The following PHLDB2 variants were observed in gnomAD, a reference collection of about 807,000 sequenced individuals.
PHLDB2 encodes the protein pleckstrin homology like domain family B member 2, also known as pleckstrin homology-like domain family B member 2.
PHLDB2 carries 71 observed loss-of-function variants against 123.6 expected under a neutral mutation model. That is an observed-to-expected ratio of 0.57 (90% CI 0.47 to 0.70). The LOEUF (loss-of-function observed/expected upper bound fraction) is 0.70, where lower values mean the gene tolerates loss of function less well. PHLDB2 is among the 30% of genes least tolerant of loss of function. The pLI is 0.00. For missense variants in PHLDB2, 1,446 were observed against 1,519.5 expected (o/e 0.95, Z 0.80); for synonymous variants, 547 against 541.6 (o/e 1.01, Z -0.14).
chr3:111,886,338 C>T (rs1040457230), intron 2 of PHLDB2, among the ~76,000 whole-genome samples: 6 of 152,192 alleles, frequency 3.9e-5, no homozygotes, highest in Non-Finnish European at 5.9e-5. Context: ...AAAATTGTAA[C>T]CCAGGCTTGT....
chr3:111,813,312 A>G (rs1033297431), intron 1 of PHLDB2, among the ~76,000 whole-genome samples: 1 of 152,234 alleles, frequency 6.6e-6, no homozygotes, highest in Non-Finnish European at 1.5e-5. Context: ...AAATAAATAA[A>G]TAAATCCATG....
chr3:111,781,650 A>G (rs754239686), intron 1 of PHLDB2, among the ~76,000 whole-genome samples: 2 of 152,166 alleles, frequency 1.3e-5, no homozygotes, highest in Non-Finnish European at 2.9e-5. Flanking sequence ...GCTCACATAG[A>G]TAACAGAAAT....
chr3:111,781,869 AG>A (rs1440686265), intron 1 of PHLDB2, among the ~76,000 whole-genome samples: 1 of 152,062 alleles, frequency 6.6e-6, no homozygotes, highest in Admixed American at 6.6e-5. Flanking sequence ...TACTCCCTTT[AG>A]TGCAGATTAA....
intron 1 of PHLDB2, among the ~76,000 whole-genome samples, chr3:111,869,252 G>T (rs1292515132): frequency 2.0e-5 from 3 of 151,876 alleles, no homozygotes; most frequent in African/African-American, 7.3e-5. Context: ...CTTTTATTGT[G>T]ACAGGAAGAA....
chr3:111,791,519 C>A (rs1576615683), intron 1 of PHLDB2, among the ~76,000 whole-genome samples: 1 of 152,174 alleles, frequency 6.6e-6, no homozygotes, highest in Non-Finnish European at 1.5e-5. Flanking sequence ...AGAGATAATG[C>A]AAAACTGTTT....
chr3:111,919,240 TTTTC>T, intron 4 of PHLDB2, 25 bp downstream of exon 4: 1 of 1,610,210 alleles, frequency 6.2e-7, no homozygotes, highest in Non-Finnish European at 8.5e-7. Flanking sequence ...CTCTTCCCTT[TTTTC>T]TTTCTTTCCT....
intron 2 of PHLDB2, 157 bp downstream of exon 2, chr3:111,885,569 C>T: frequency 1.0e-6 from 1 of 960,250 alleles, no homozygotes; most frequent in Non-Finnish European, 1.6e-6. Context: ...TATCCTTCTT[C>T]TTCCCATATC....
At chr3:111,903,708 CAA>C (rs2067331851) in intron 2 of PHLDB2, among the ~76,000 whole-genome samples, 1 of 152,164 alleles carries the variant, frequency 6.6e-6, no homozygotes, top group Admixed American at 6.5e-5. Flanking sequence ...CCATGACTGA[CAA>C]AGAGTGAGCA....
At chr3:111,802,165 C>T (rs2061401986) in intron 1 of PHLDB2, among the ~76,000 whole-genome samples, 1 of 152,236 alleles carries the variant, frequency 6.6e-6, no homozygotes. Flanking sequence ...TTTCTCCAGT[C>T]TATCAAGCTA....
Position 111,885,288 on chromosome 3 carries a change from C to T in PHLDB2, c.1211C>T (p.Thr404Ile), listed in dbSNP as rs1247317067. 6.2e-7 allele frequency: 1 copy of T among 1,614,142 alleles called. No homozygotes were observed. The highest frequency in any genetic ancestry group is 1.7e-5 in the Admixed American group (1 of 60,016). The change falls in exon 2 of 18, where the codon ACC (threonine) becomes ATC (isoleucine). Residue 404 changes from threonine to isoleucine, a missense_variant. Transcript: ENST00000431670. ...DLESLRQASG[T>I]PQPALRERKS... Reference sequence around the variant, plus strand: ...GAAAGCCTCAGACAGGCCTCAGGAACCCCCCAGCCTGCCCTTCGGGAACGG... The same window carrying T: ...GAAAGCCTCAGACAGGCCTCAGGAATCCCCCAGCCTGCCCTTCGGGAACGG...
intron 2 of PHLDB2, among the ~76,000 whole-genome samples, chr3:111,910,376 G>C (rs147632956): frequency 9.4e-4 from 143 of 152,316 alleles, no homozygotes; most frequent in South Asian, 3.5e-3. Flanking sequence ...TGTAGGCTCT[G>C]TACTTGGACT....
intron 2 of PHLDB2, 104 bp downstream of exon 2, chr3:111,885,516 C>A: frequency 1.4e-6 from 2 of 1,405,900 alleles, no homozygotes; most frequent in South Asian, 1.2e-5. Flanking sequence ...ATAGGATATT[C>A]ATGTTCACTA....
At chr3:111,774,216 G>T (rs1241351477) in intron 1 of PHLDB2, among the ~76,000 whole-genome samples, 1 of 152,144 alleles carries the variant, frequency 6.6e-6, no homozygotes, top group Non-Finnish European at 1.5e-5. Context: ...TCTAGGTAGG[G>T]GTCTCACTCA....
At chr3:111,736,937 G>A (rs1019526397) in intron 1 of PHLDB2, among the ~76,000 whole-genome samples, 6 of 152,180 alleles carry the variant, frequency 3.9e-5, no homozygotes, top group East Asian at 1.9e-4. Flanking sequence ...CCTAGAGAAC[G>A]GTATACATGA....
upstream of PHLDB2, among the ~76,000 whole-genome samples, chr3:111,854,761 A>G (rs1028763095): frequency 2.0e-5 from 3 of 152,252 alleles, no homozygotes; most frequent in African/African-American, 7.2e-5. Context: ...AGAGGCTGAC[A>G]AGTCCAGTTT....
intron 11 of PHLDB2, 38 bp downstream of exon 11, chr3:111,952,750 GA>G: frequency 6.3e-7 from 1 of 1,593,546 alleles, no homozygotes. Flanking sequence ...CCCATTCCAT[GA>G]GTCTTCTTGT....
intron 2 of PHLDB2, among the ~76,000 whole-genome samples, chr3:111,897,092 A>G (rs944638920): frequency 6.6e-6 from 1 of 152,222 alleles, no homozygotes; most frequent in Non-Finnish European, 1.5e-5. Flanking sequence ...TTATAGCCAT[A>G]CCAGCTTCCC....
intron 1 of PHLDB2, chr3:111,779,802 A>C: frequency 1.1e-6 from 1 of 937,990 alleles, no homozygotes; most frequent in Non-Finnish European, 1.3e-6. Context: ...GAGGACTCTG[A>C]CCTCCATCCT....
intron 1 of PHLDB2, among the ~76,000 whole-genome samples, chr3:111,780,704 A>G (rs1424258599): frequency 2.6e-5 from 4 of 152,112 alleles, no homozygotes; most frequent in Non-Finnish European, 4.4e-5. Flanking sequence ...GAACTCTCAT[A>G]TCAGAGATTA....
Sources: gnomAD v4.1 joint callset for allele counts (sites outside exome capture counted in the v4.1 genomes callset) on GRCh38, gnomAD v4.1.1 for gene constraint, MANE v1.5 for transcripts, NCBI Gene and HGNC (gene_info 2026-07-23, HGNC 2026-07-21) for gene names.